Variants in KDM4C observed in about 807,000 individuals in gnomAD.
KDM4C encodes the protein lysine-specific demethylase 4C.
Under a neutral mutation model 129.3 loss-of-function variants are expected in KDM4C, and 81 were observed. The ratio of observed to expected loss-of-function variants is 0.63; its 90% CI spans 0.52 to 0.75. The LOEUF (loss-of-function observed/expected upper bound fraction) is 0.75. Ranked by LOEUF, KDM4C falls within the 30% of genes least tolerant of loss-of-function variation. The probability of loss-of-function intolerance (pLI) is 0.00; values close to 1 mark genes in which losing one functional copy is unlikely to be tolerated. For synonymous variants in KDM4C, 573 were observed against 456.1 expected (o/e 1.26, Z -3.26); for missense variants, 1,457 against 1,304.0 (o/e 1.12, Z -1.81).
In KDM4C at chr9:6,776,008, T is replaced by C. The variant is rs184945921; in HGVS notation, c.-17-16964T>C. Among the ~76,000 whole-genome samples, 27 of 152,354 alleles carry C rather than the reference T, an allele frequency of 1.8e-4. No homozygotes were observed. The East Asian group carries it at 3.7e-3, about 21-fold the overall frequency. On this transcript the variant is annotated intron_variant, in intron 1 of 21. Coordinates refer to ENST00000381309, the MANE Select transcript of KDM4C (RefSeq NM_015061.6). ...CAAAATCACCCCTGGTTGAGAACCATTGTTACTTTTGATACATGAACAATT... is the reference window on the plus strand; with the variant it reads ...CAAAATCACCCCTGGTTGAGAACCACTGTTACTTTTGATACATGAACAATT...
At chr9:7,138,301 T>C (rs1364511983) in intron 19 of KDM4C, among the ~76,000 whole-genome samples, 1 of 152,230 alleles carries the variant, frequency 6.6e-6, no homozygotes, top group African/African-American at 2.4e-5. Flanking sequence ...CTCTATCATC[T>C]AATTTTTTGC....
chr9:6,722,576 C>T (rs1002543418), intron 1 of KDM4C, among the ~76,000 whole-genome samples: 7 of 151,448 alleles, frequency 4.6e-5, no homozygotes, highest in Non-Finnish European at 7.4e-5. Flanking sequence ...TGCAATGGCG[C>T]GATCTCGGCT....
chr9:6,842,015 G>C (rs767170121), intron 4 of KDM4C, among the ~76,000 whole-genome samples: 1 of 152,198 alleles, frequency 6.6e-6, no homozygotes, highest in East Asian at 1.9e-4. Flanking sequence ...TCATGGAACA[G>C]AGAGATAAAA....
rs189426117 is a variant in KDM4C at position 7,058,780 on chromosome 9, A to G, written c.2424+9580A>G. Among the ~76,000 whole-genome samples, 237 of 152,330 alleles carry G rather than the reference A, an allele frequency of 1.6e-3. 1 individual carries two copies. The highest frequency in any genetic ancestry group is 3.4e-3 in the Middle Eastern group (1 of 294). ...TTAGAAAGCACTTCCACTGCCTGCT[A>G]TAATACATCATGGCCTTGAGGTAAA... On this transcript the variant is annotated intron_variant, in intron 17 of 21. Coordinates refer to ENST00000381309, the MANE Select transcript of KDM4C (RefSeq NM_015061.6).
chr9:6,782,163 G>A (rs949674702), intron 1 of KDM4C, among the ~76,000 whole-genome samples: 3 of 152,102 alleles, frequency 2.0e-5, no homozygotes, highest in South Asian at 2.1e-4. Context: ...TTGTAGATAC[G>A]GAATCTGTGA....
chr9:7,114,254 G>A (rs373558316), intron 18 of KDM4C, among the ~76,000 whole-genome samples: 2 of 152,016 alleles, frequency 1.3e-5, no homozygotes, highest in Non-Finnish European at 2.9e-5. Context: ...TATACTACTC[G>A]GCTTTATTCT....
chr9:6,783,507 G>A (rs1043655073), intron 1 of KDM4C, among the ~76,000 whole-genome samples: 2 of 152,172 alleles, frequency 1.3e-5, no homozygotes, highest in Non-Finnish European at 1.5e-5. Flanking sequence ...GGGAAGGACA[G>A]TTGAGGCCAG....
At chr9:7,167,854 G>A (rs1011941716) in intron 20 of KDM4C, among the ~76,000 whole-genome samples, 17 of 152,174 alleles carry the variant, frequency 1.1e-4, no homozygotes, top group African/African-American at 4.1e-4. Context: ...AGTGCAAAGT[G>A]CAGCGATATA....
In KDM4C at chr9:7,030,974, G is replaced by A. The variant is rs902666082; in HGVS notation, c.2259+15045G>A. 1.4e-4 allele frequency among the ~76,000 whole-genome samples: 21 copies of A among 151,876 alleles called. 1 individual carries two copies. Among genetic ancestry groups the A allele is most frequent in the Admixed American group, 1.3e-4 (2 of 15,246 alleles). ...TACTGAAAAGCATTTATTTTACTCT[G>A]CAGAATCATAAAGAAAGTTGTATTT... On this transcript the variant is annotated intron_variant, in intron 15 of 21. Transcript: ENST00000381309.
In KDM4C at chr9:6,905,879, A is replaced by G. The variant is rs117220552; in HGVS notation, c.921+12647A>G. Among the ~76,000 whole-genome samples, 21 of 152,206 alleles carry G rather than the reference A, an allele frequency of 1.4e-4. No individual in the cohort carries two copies. The East Asian group carries it at 4.1e-3, about 29-fold the overall frequency. ...TTCAATTCCTATTACCCTTTATTTTATGTTCACATTGAGGATCCTGCCAGT... is the reference window on the plus strand; with the variant it reads ...TTCAATTCCTATTACCCTTTATTTTGTGTTCACATTGAGGATCCTGCCAGT... On this transcript the variant is annotated intron_variant, in intron 8 of 21. Transcript: ENST00000381309.
chr9:6,975,527 AATT>A (rs1373506405), intron 8 of KDM4C, among the ~76,000 whole-genome samples: 1 of 152,216 alleles, frequency 6.6e-6, no homozygotes, highest in African/African-American at 2.4e-5. Flanking sequence ...ACCTTGGACT[AATT>A]AATGTGAGTC....
At chr9:6,868,340 C>T (rs1055611277) in intron 5 of KDM4C, among the ~76,000 whole-genome samples, 11 of 152,174 alleles carry the variant, frequency 7.2e-5, no homozygotes, top group East Asian at 5.8e-4. Flanking sequence ...AGAGAGTTTC[C>T]GTAGGTAACA....
At chr9:6,740,644 G>T (rs2130258166) in intron 1 of KDM4C, among the ~76,000 whole-genome samples, 1 of 151,866 alleles carries the variant, frequency 6.6e-6, no homozygotes. Flanking sequence ...TCAGCCTCCG[G>T]AGTAGCTGGG....
chr9:6,838,880 T>G (rs1283294473), intron 4 of KDM4C, among the ~76,000 whole-genome samples: 1 of 152,236 alleles, frequency 6.6e-6, no homozygotes, highest in African/African-American at 2.4e-5. Flanking sequence ...TCAGTCTATA[T>G]TAAAGTGTAG....
intron 1 of KDM4C, among the ~76,000 whole-genome samples, chr9:6,723,076 G>C (rs976486718): frequency 1.3e-5 from 2 of 152,170 alleles, no homozygotes; most frequent in African/African-American, 2.4e-5. Context: ...GCAGCTGCCT[G>C]AATGGTGTCT....
chr9:7,072,182 G>C (rs149392623), intron 17 of KDM4C, among the ~76,000 whole-genome samples: 3 of 152,278 alleles, frequency 2.0e-5, no homozygotes, highest in East Asian at 3.9e-4. Flanking sequence ...TTAGCAACTG[G>C]AATGCTTATA....
At chr9:7,031,156 TTATTTATTTATTTATG>T (rs199746484) in intron 15 of KDM4C, among the ~76,000 whole-genome samples, 10,699 of 136,452 alleles carry the variant, frequency 0.078, 511 homozygotes, top group African/African-American at 0.15. Flanking sequence ...ATTTATTTAT[TTATTTATTTATTTATG>T]TATGTTTTGA....
At chr9:6,831,859 A>G (rs374630881) in intron 4 of KDM4C, among the ~76,000 whole-genome samples, 1 of 152,132 alleles carries the variant, frequency 6.6e-6, no homozygotes. Context: ...GACCATCCTT[A>G]GCTGCAAGAG....
At chr9:6,923,119 C>T (rs372859902) in intron 8 of KDM4C, among the ~76,000 whole-genome samples, 22 of 152,212 alleles carry the variant, frequency 1.4e-4, no homozygotes, top group South Asian at 1.2e-3. Context: ...AATGTTTTTA[C>T]TCTTTACGGG....
Sources: gnomAD v4.1 joint callset for allele counts (sites outside exome capture counted in the v4.1 genomes callset) on GRCh38, gnomAD v4.1.1 for gene constraint, MANE v1.5 for transcripts, NCBI Gene and HGNC (gene_info 2026-07-23, HGNC 2026-07-21) for gene names.